NR2F1-AS1: variants seen among roughly 807,000 people sequenced by gnomAD.
NR2F1-AS1 encodes NR2F1 antisense RNA 1.
chr5:93,571,606 C>A (rs1752770254), intron 1 of NR2F1-AS1, among the ~76,000 whole-genome samples: 2 of 151,948 alleles, frequency 1.3e-5, no homozygotes, highest in African/African-American at 4.8e-5. Context: ...GTTCCTTAGA[C>A]TCTTTCATCC....
chr5:93,410,769 C>T (rs1416095879), intron 4 of NR2F1-AS1: 1 of 152,036 alleles, frequency 6.6e-6, no homozygotes, highest in African/African-American at 2.4e-5. Flanking sequence ...CCAAGAAATC[C>T]ACAAGCAATA....
intron 4 of NR2F1-AS1, among the ~76,000 whole-genome samples, chr5:93,511,833 G>A (rs902266582): frequency 3.3e-5 from 5 of 152,122 alleles, no homozygotes; most frequent in Non-Finnish European, 4.4e-5. Context: ...CACTCCTCAT[G>A]AGAATCTAAT....
At chr5:93,483,167 G>A (rs1487188392) in intron 4 of NR2F1-AS1, among the ~76,000 whole-genome samples, 1 of 152,144 alleles carries the variant, frequency 6.6e-6, no homozygotes, top group African/African-American at 2.4e-5. Context: ...ATATCTCCCA[G>A]CAAGGGTCGA....
intron 4 of NR2F1-AS1, among the ~76,000 whole-genome samples, chr5:93,427,153 T>C (rs1259629908): frequency 1.3e-5 from 2 of 152,130 alleles, no homozygotes; most frequent in Admixed American, 1.3e-4. Context: ...ACAAATTTCC[T>C]CCTTACCTAA....
At chr5:93,452,779 G>C (rs1749864424) in intron 4 of NR2F1-AS1, among the ~76,000 whole-genome samples, 1 of 152,132 alleles carries the variant, frequency 6.6e-6, no homozygotes, top group Non-Finnish European at 1.5e-5. Context: ...TAGGCTAAAG[G>C]CTGTTCTGGA....
rs557993376 is a variant in NR2F1-AS1 at position 93,433,461 on chromosome 5, CCT to C, written n.639-37921_639-37920del. Reference sequence around the variant, plus strand: ...AATGATACCTGGCTCAGGCAGGGTTCCTCTCTTTTGACGTAATGAATGCTATC... The same window carrying C: ...AATGATACCTGGCTCAGGCAGGGTTCCTCTTTTGACGTAATGAATGCTATC... On this transcript the variant is annotated intron_variant and non_coding_transcript_variant, in intron 4 of 5. Coordinates refer to ENST00000660523, the Ensembl canonical transcript of NR2F1-AS1. 2.4e-4 allele frequency among the ~76,000 whole-genome samples: 36 copies of C among 152,250 alleles called. 1 individual carries two copies. In the East Asian group the frequency reaches 6.4e-3, roughly 27 times the overall value.
At position 93,466,913 on chromosome 5, in the gene NR2F1-AS1, G is replaced by T. The variant is rs1050422856; in HGVS notation, n.639-71371C>A. On this transcript the variant is annotated intron_variant and non_coding_transcript_variant, in intron 4 of 5. Transcript: ENST00000660523. ...CAGAATATCCCTTTTTTGGGGGGGG[G>T]GGGGGTGGACGGAGTCTCACTGTGG... is the stretch of plus-strand genomic sequence containing the variant. Among the ~76,000 whole-genome samples, 52 of 132,086 alleles carry T rather than the reference G, an allele frequency of 3.9e-4. 10 individuals are homozygous for T. The highest frequency in any genetic ancestry group is 1.7e-3 in the East Asian group (6 of 3,546). The allele number at this position is 132,086 out of a possible 152,430, so 86.7% of individuals were successfully genotyped here.
chr5:93,436,932 C>T (rs1749444441), intron 4 of NR2F1-AS1, among the ~76,000 whole-genome samples: 1 of 151,538 alleles, frequency 6.6e-6, no homozygotes, highest in South Asian at 2.1e-4. Context: ...TTCCAAGATG[C>T]CTATATTAGA....
At chr5:93,513,917 T>G (rs972068797) in intron 4 of NR2F1-AS1, among the ~76,000 whole-genome samples, 10 of 152,118 alleles carry the variant, frequency 6.6e-5, no homozygotes, top group African/African-American at 2.2e-4. Context: ...CATGGGAAGA[T>G]TCAAGCTTGT....
At chr5:93,513,585 T>G (rs1458549977) in intron 4 of NR2F1-AS1, among the ~76,000 whole-genome samples, 1 of 152,144 alleles carries the variant, frequency 6.6e-6, no homozygotes, top group Non-Finnish European at 1.5e-5. Context: ...TTCTCACTTA[T>G]AAGTGGGAGC....
chr5:93,418,230 T>A (rs1033393608), intron 4 of NR2F1-AS1, among the ~76,000 whole-genome samples: 2 of 152,152 alleles, frequency 1.3e-5, no homozygotes. Flanking sequence ...GGGGGCCAGC[T>A]TGCCGAGGAC....
Position 93,573,461 on chromosome 5 carries a change from T to TG in NR2F1-AS1, n.313+7005dup, listed in dbSNP as rs527639519. ...CTCACTCCAGTCACTCCCGAGGACTTGGGGCACGACTATCACACGCAACTG... is the reference window on the plus strand; with the variant it reads ...CTCACTCCAGTCACTCCCGAGGACTTGGGGGCACGACTATCACACGCAACTG... On this transcript the variant is annotated intron_variant and non_coding_transcript_variant, in intron 1 of 5. Coordinates refer to ENST00000660523, the Ensembl canonical transcript of NR2F1-AS1. 3.9e-5 allele frequency among the ~76,000 whole-genome samples: 6 copies of TG among 152,046 alleles called. No homozygotes were observed. In the East Asian group the frequency reaches 9.7e-4, roughly 25 times the overall value.
intron 1 of NR2F1-AS1, among the ~76,000 whole-genome samples, chr5:93,578,395 C>T (rs1213302846): frequency 1.3e-5 from 2 of 151,816 alleles, no homozygotes; most frequent in African/African-American, 4.8e-5. Context: ...CTTCTCATCG[C>T]CTTTTTGGGG....
chr5:93,581,857 TCTCTCTCTCTC>T (rs534765604), upstream of NR2F1-AS1, among the ~76,000 whole-genome samples: 2 of 66,096 alleles, frequency 3.0e-5, no homozygotes, highest in South Asian at 1.7e-3. Flanking sequence ...CTCTCTCCTC[TCTCTCTCTCTC>T]CTCTCTCCTC....
At chr5:93,526,787 A>T (rs1751627367) in intron 4 of NR2F1-AS1, among the ~76,000 whole-genome samples, 1 of 152,202 alleles carries the variant, frequency 6.6e-6, no homozygotes, top group African/African-American at 2.4e-5. Flanking sequence ...CCTTCGATAA[A>T]ATTTAACACC....
chr5:93,452,749 C>A lies in NR2F1-AS1; in HGVS notation n.639-57207G>T, dbSNP rs150118868. On this transcript the variant is annotated intron_variant and non_coding_transcript_variant, in intron 4 of 5. Coordinates refer to ENST00000660523, the Ensembl canonical transcript of NR2F1-AS1. Reference sequence around the variant, plus strand: ...GTACAGGAGGTATTTGTAGAGTTAGCAGTAAGGCTAACTTAGCCATAGGCT... The same window carrying A: ...GTACAGGAGGTATTTGTAGAGTTAGAAGTAAGGCTAACTTAGCCATAGGCT... 1.3e-3 allele frequency among the ~76,000 whole-genome samples: 192 copies of A among 152,238 alleles called. 1 individual carries two copies. The highest frequency in any genetic ancestry group is 4.3e-3 in the African/African-American group (177 of 41,534).
At chr5:93,572,689 G>A (rs1752801458) in intron 1 of NR2F1-AS1, among the ~76,000 whole-genome samples, 1 of 152,190 alleles carries the variant, frequency 6.6e-6, no homozygotes, top group Non-Finnish European at 1.5e-5. Context: ...CCCCCACCGA[G>A]CAAAGACAGG....
At chr5:93,436,921 C>G (rs1749444184) in intron 4 of NR2F1-AS1, among the ~76,000 whole-genome samples, 1 of 151,446 alleles carries the variant, frequency 6.6e-6, no homozygotes, top group Non-Finnish European at 1.5e-5. Flanking sequence ...CCTAATTTAC[C>G]TTCCAAGATG....
chr5:93,456,785 C>T (rs545321314), intron 4 of NR2F1-AS1, among the ~76,000 whole-genome samples: 11 of 151,802 alleles, frequency 7.2e-5, no homozygotes, highest in African/African-American at 1.2e-4. Context: ...TCTACCATAT[C>T]GGAGAGGGGG....
Sources: allele counts gnomAD v4.1 joint callset (sites outside exome capture counted in the v4.1 genomes callset), GRCh38; gene constraint gnomAD v4.1.1; transcripts MANE v1.5; gene names NCBI Gene and HGNC (gene_info 2026-07-23, HGNC 2026-07-21).